MAP4: variants seen among roughly 807,000 people sequenced by gnomAD.
MAP4 encodes microtubule associated protein 4.
Under a neutral mutation model 170.2 loss-of-function variants are expected in MAP4, and 76 were observed. That is an observed-to-expected ratio of 0.45 (90% confidence interval 0.37 to 0.54). MAP4 has a LOEUF of 0.54. MAP4 is among the 20% of genes least tolerant of loss of function. MAP4 has a pLI of 0.00. For missense variants in MAP4, 2,506 were observed against 2,748.0 expected (o/e 0.91, Z 1.97); for synonymous variants, 909 against 994.5 (o/e 0.91, Z 1.62).
At chr3:47,952,084 G>T in intron 3 of MAP4, among the ~76,000 whole-genome samples, 1 of 138,100 alleles carries the variant, frequency 7.2e-6, no homozygotes, top group South Asian at 2.5e-4. Flanking sequence ...CGGCCGCCCC[G>T]TCTGAGAAGT....
intron 1 of MAP4, among the ~76,000 whole-genome samples, chr3:48,063,322 G>C (rs142013531): frequency 1.3e-5 from 2 of 151,560 alleles, no homozygotes; most frequent in African/African-American, 4.8e-5. Context: ...TATAGTCCCA[G>C]CTACTCAGGA....
chr3:48,045,698 A>G (rs2100124141), intron 1 of MAP4, among the ~76,000 whole-genome samples: 2 of 152,258 alleles, frequency 1.3e-5, no homozygotes, highest in African/African-American at 4.8e-5. Flanking sequence ...TAGTTTAAAT[A>G]GTGCTTACAT....
At chr3:48,072,150 G>A (rs1374441202) in intron 1 of MAP4, among the ~76,000 whole-genome samples, 1 of 152,078 alleles carries the variant, frequency 6.6e-6, no homozygotes, top group African/African-American at 2.4e-5. Flanking sequence ...AGTGAGCCAA[G>A]ATCATGTCAC....
At chr3:48,002,960 A>T (rs1411783228) in intron 1 of MAP4, among the ~76,000 whole-genome samples, 3 of 147,650 alleles carry the variant, frequency 2.0e-5, no homozygotes, top group Admixed American at 6.8e-5. Flanking sequence ...GCCAAAAATA[A>T]ATAAATAAAT....
Position 47,863,921 on chromosome 3 carries a change from G to GGT in MAP4, c.6501+3323_6501+3324dup, listed in dbSNP as rs747894391. Among the ~76,000 whole-genome samples, 284 of 110,878 alleles carry GGT rather than the reference G, an allele frequency of 2.6e-3. 9 individuals are homozygous for GGT. The East Asian group carries it at 0.046, about 18-fold the overall frequency. 72.7% of individuals were successfully genotyped at this position (110,878 alleles called of 152,430 possible). A position where few individuals can be genotyped will look rare whatever the true frequency, so the allele number is the denominator to read the frequency against. On this transcript the variant is annotated intron_variant, in intron 17 of 20. Coordinates refer to ENST00000683076, the MANE Select transcript of MAP4 (RefSeq NM_001385682.1). The stretch of plus-strand genomic sequence containing the variant: ...TTCTGTGTGTGTGTGTGTGGGTGTG[G>GGT]GTGTGTGTGTGTGTGTGGGGAGTGG...
intron 17 of MAP4, among the ~76,000 whole-genome samples, chr3:47,858,435 G>A (rs2150296341): frequency 6.6e-6 from 1 of 152,076 alleles, no homozygotes; most frequent in African/African-American, 2.4e-5. Context: ...ATTTCACCAG[G>A]TCCAAACACC....
chr3:47,978,673 T>C lies in MAP4; in HGVS notation c.224-740A>G, dbSNP rs140181833. On this transcript the variant is annotated intron_variant, in intron 2 of 20. Coordinates refer to ENST00000683076, the MANE Select transcript of MAP4 (RefSeq NM_001385682.1). ...CACAGGAAATCCAGGGTACCATCAT[T>C]GCTTCTGGATGAAGATTGCATGGAG... 8.6e-4 allele frequency among the ~76,000 whole-genome samples: 131 copies of C among 152,070 alleles called. No individual in the cohort carries two copies. In the East Asian group the frequency reaches 0.018, roughly 21 times the overall value.
intron 2 of MAP4, 63 bp from the exon 3 acceptor site, chr3:47,977,996 A>G: frequency 9.6e-7 from 1 of 1,039,376 alleles, no homozygotes; most frequent in East Asian, 2.4e-5. Context: ...AGATCCAACC[A>G]CTGTCTTATT....
At chr3:47,972,758 C>A (rs1017749285) in intron 3 of MAP4, among the ~76,000 whole-genome samples, 2 of 151,910 alleles carry the variant, frequency 1.3e-5, no homozygotes. Context: ...TGGTGGCGGG[C>A]GCCTGTAGTC....
At chr3:47,920,058 C>A (rs2100041929) in intron 5 of MAP4, among the ~76,000 whole-genome samples, 1 of 152,196 alleles carries the variant, frequency 6.6e-6, no homozygotes, top group African/African-American at 2.4e-5. Context: ...GCAACCTCCA[C>A]CTCCCAGGTT....
intron 1 of MAP4, among the ~76,000 whole-genome samples, chr3:48,072,322 C>A (rs967071203): frequency 1.3e-5 from 2 of 152,020 alleles, no homozygotes; most frequent in African/African-American, 4.8e-5. Flanking sequence ...CCAGCCTGGC[C>A]AACATGGCAA....
At chr3:48,001,120 G>A (rs181275271) in intron 1 of MAP4, among the ~76,000 whole-genome samples, 6 of 152,180 alleles carry the variant, frequency 3.9e-5, no homozygotes, top group South Asian at 2.1e-4. Flanking sequence ...ATCAAGATCC[G>A]ATACCCAAAT....
rs148456887 is a variant in MAP4 at position 47,869,313 on chromosome 3, T to C, written c.6309A>G (p.Lys2103=). The change falls in exon 16 of 21, where the codon AAA becomes AAG. Residue 2103 remains lysine, a synonymous_variant. Transcript: ENST00000683076. ...QPGGGRAKVE[K]KTEAAATTRK... The stretch of plus-strand genomic sequence containing the variant: ...GGGTTGTAGCAGCTGCCTCTGTTTT[T>C]TTCTCTACTTTGGCCTGGATGGAGA... 105 of 1,613,168 alleles carry C rather than the reference T, an allele frequency of 6.5e-5. 1 individual carries two copies. In the South Asian group the frequency reaches 9.8e-4, roughly 15 times the overall value.
intron 6 of MAP4, among the ~76,000 whole-genome samples, chr3:47,918,129 C>T (rs867868258): frequency 9.2e-5 from 14 of 152,142 alleles, no homozygotes; most frequent in South Asian, 2.1e-4. Flanking sequence ...ATTACAGGCA[C>T]CTGCCACCAC....
intron 3 of MAP4, among the ~76,000 whole-genome samples, chr3:47,932,962 G>T (rs2100050711): frequency 6.6e-6 from 1 of 152,104 alleles, no homozygotes; most frequent in South Asian, 2.1e-4. Flanking sequence ...GAGTGCAGTG[G>T]CACGATCACA....
At chr3:47,874,362 G>T (rs1386640578) in intron 12 of MAP4, among the ~76,000 whole-genome samples, 1 of 152,106 alleles carries the variant, frequency 6.6e-6, no homozygotes, top group Non-Finnish European at 1.5e-5. Flanking sequence ...CCAGCTACTC[G>T]GGAGGCTGAG....
At chr3:48,009,986 C>A (rs1658738185) in intron 1 of MAP4, among the ~76,000 whole-genome samples, 1 of 152,160 alleles carries the variant, frequency 6.6e-6, no homozygotes, top group African/African-American at 2.4e-5. Context: ...GTGACTGACC[C>A]AGACTATCAA....
intron 1 of MAP4, among the ~76,000 whole-genome samples, chr3:48,086,278 A>T (rs1469417843): frequency 1.3e-5 from 2 of 150,706 alleles, no homozygotes; most frequent in African/African-American, 4.9e-5. Flanking sequence ...AGCCAAGATC[A>T]TGCCACTGCA....
At position 47,916,345 on chromosome 3, in the gene MAP4, C is replaced by T. The variant is rs758896422; in HGVS notation, c.1482G>A (p.Pro494=). 1.0e-4 allele frequency: 168 copies of T among 1,614,052 alleles called. 1 individual carries two copies. Among genetic ancestry groups the T allele is most frequent in the South Asian group, 1.8e-4 (16 of 91,086 alleles). The change falls in exon 7 of 21, where the codon CCG becomes CCA. Residue 494 remains proline (P), a synonymous_variant. Transcript: ENST00000683076. ...TEIAPAKDVA[P]STVKEVGLLK... ...ACAAGCCCACTTCTTTTACTGTGGA[C>T]GGAGCCACATCCTTGGCCGGGGCTA...
Sources: gnomAD v4.1 joint callset for allele counts (sites outside exome capture counted in the v4.1 genomes callset) on GRCh38, gnomAD v4.1.1 for gene constraint, MANE v1.5 for transcripts, NCBI Gene and HGNC (gene_info 2026-07-23, HGNC 2026-07-21) for gene names.